ANKRD17: variants seen among roughly 807,000 people sequenced by gnomAD.
ANKRD17 encodes the protein ankyrin repeat domain 17, also known as ankyrin repeat domain-containing protein 17.
In ANKRD17, 19 loss-of-function variants were observed where a neutral mutation model predicts 229.7. The ratio of observed to expected loss-of-function variants is 0.08; its 90% CI spans 0.06 to 0.12. The LOEUF is 0.12. ANKRD17 is among the 10% of genes least tolerant of loss of function. The pLI is 1.00. For missense variants in ANKRD17, 2,176 were observed against 3,176.8 expected, an observed-to-expected ratio of 0.68 and a Z score of 7.57; for synonymous variants, 1,112 against 1,146.1, an observed-to-expected ratio of 0.97 and a Z score of 0.60.
At chr4:73,252,729 T>A (rs1190098277) in intron 1 of ANKRD17, among the ~76,000 whole-genome samples, 1 of 152,190 alleles carries the variant, frequency 6.6e-6, no homozygotes, top group Admixed American at 6.5e-5. Flanking sequence ...AAGTAAATAT[T>A]TTGAAAGGCA....
At chr4:73,220,235 T>C (rs1741667537) in intron 1 of ANKRD17, among the ~76,000 whole-genome samples, 1 of 152,180 alleles carries the variant, frequency 6.6e-6, no homozygotes, top group African/African-American at 2.4e-5. Context: ...GAGGTATTTA[T>C]ATGAGCTGTC....
intron 27 of ANKRD17, among the ~76,000 whole-genome samples, chr4:73,096,639 T>C (rs1723330874): frequency 6.6e-6 from 1 of 152,218 alleles, no homozygotes; most frequent in Non-Finnish European, 1.5e-5. Flanking sequence ...TTACCTCCTT[T>C]TACGTTTCTG....
intron 16 of ANKRD17, among the ~76,000 whole-genome samples, chr4:73,127,370 TATTAA>T (rs1284353634): frequency 2.6e-5 from 4 of 152,224 alleles, no homozygotes; most frequent in African/African-American, 9.6e-5. Context: ...TATTTGGATA[TATTAA>T]ATTAAATTAA....
intron 1 of ANKRD17, among the ~76,000 whole-genome samples, chr4:73,229,564 A>T (rs1560764012): frequency 6.6e-6 from 1 of 151,938 alleles, no homozygotes; most frequent in African/African-American, 2.4e-5. Context: ...ATCAAAAAAA[A>T]CACATAAATT....
chr4:73,136,192 T>A (rs1478251563), intron 15 of ANKRD17, among the ~76,000 whole-genome samples: 2 of 152,178 alleles, frequency 1.3e-5, no homozygotes, highest in East Asian at 3.9e-4. Context: ...GTGAACATCA[T>A]CTCCCCCAAC....
In ANKRD17 at chr4:73,092,000, A is replaced by T; in HGVS notation, c.5628T>A (p.Gly1876=). 1 of 1,614,212 alleles carries T rather than the reference A, an allele frequency of 6.2e-7. No individual in the cohort carries two copies. The highest frequency in any genetic ancestry group is 1.1e-5 in the South Asian group (1 of 91,086). The part of the protein sequence containing the change: ...IKNPVNNVRP[G]FPVSLPLAYP... ...ATGCTAATGGAAGAGAAACTGGAAA[A>T]CCAGGCCTCACATTATTCACTGGGT... The change falls in exon 29 of 34, where the codon GGT becomes GGA. Residue 1876 remains glycine (G), a synonymous_variant. Transcript: ENST00000358602.
At chr4:73,131,757 TG>T (rs1728231871) in intron 16 of ANKRD17, among the ~76,000 whole-genome samples, 1 of 152,162 alleles carries the variant, frequency 6.6e-6, no homozygotes, top group South Asian at 2.1e-4. Flanking sequence ...AAATGGAAAA[TG>T]TAATAATAAT....
At chr4:73,189,403 G>GTTTTTTTTTTTTTTTTTTTTTTTT (rs763345325) in intron 1 of ANKRD17, among the ~76,000 whole-genome samples, 1 of 112,700 alleles carries the variant, frequency 8.9e-6, no homozygotes, top group Non-Finnish European at 1.7e-5. Flanking sequence ...TGCCTGGAAT[G>GTTTTTTTTTTTTTTTTTTTTTTTT]TTTTTTTTTT....
chr4:73,133,127 G>A (rs997870771), intron 16 of ANKRD17, among the ~76,000 whole-genome samples: 2 of 151,920 alleles, frequency 1.3e-5, no homozygotes, highest in Non-Finnish European at 2.9e-5. Flanking sequence ...GTGGGCGCCT[G>A]TAATCCCAGC....
chr4:73,225,734 C>T (rs970462690), intron 1 of ANKRD17, among the ~76,000 whole-genome samples: 6 of 150,972 alleles, frequency 4.0e-5, no homozygotes, highest in Non-Finnish European at 7.4e-5. Flanking sequence ...TAGTGGTGGG[C>T]GCCTGTAATC....
chr4:73,243,074 A>G (rs550217442), intron 1 of ANKRD17, among the ~76,000 whole-genome samples: 1 of 152,330 alleles, frequency 6.6e-6, no homozygotes, highest in African/African-American at 2.4e-5. Context: ...GGGGAACACC[A>G]CACTAGGAAG....
At position 73,133,539 on chromosome 4, in the gene ANKRD17, C is replaced by T. The variant is rs535388037; in HGVS notation, c.3234+1578G>A. Reference sequence around the variant, plus strand: ...CCGAGTAGCTGGGATTACAGGCATGCGCCACAATGCCCAGCTAATTTTTTT... The same window carrying T: ...CCGAGTAGCTGGGATTACAGGCATGTGCCACAATGCCCAGCTAATTTTTTT... On this transcript the variant is annotated intron_variant, in intron 16 of 33. Coordinates refer to ENST00000358602, the MANE Select transcript of ANKRD17 (RefSeq NM_032217.5). 1.0e-3 allele frequency among the ~76,000 whole-genome samples: 159 copies of T among 151,664 alleles called. 2 individuals carry two copies. The highest frequency in any genetic ancestry group is 2.5e-3 in the African/African-American group (105 of 41,432).
intron 1 of ANKRD17, among the ~76,000 whole-genome samples, chr4:73,250,332 T>C (rs1744874714): frequency 6.6e-6 from 1 of 152,026 alleles, no homozygotes; most frequent in Non-Finnish European, 1.5e-5. Flanking sequence ...CTGCGCACAG[T>C]AGCTCACATC....
intron 1 of ANKRD17, among the ~76,000 whole-genome samples, chr4:73,248,661 A>T (rs546967615): frequency 6.6e-6 from 1 of 152,142 alleles, no homozygotes; most frequent in South Asian, 2.1e-4. Context: ...ACTGAATTCT[A>T]TCATTGTGCT....
intron 17 of ANKRD17, 61 bp from the exon 18 acceptor site, chr4:73,125,119 T>C: frequency 6.3e-7 from 1 of 1,599,390 alleles, no homozygotes; most frequent in Non-Finnish European, 8.5e-7. Flanking sequence ...ATATCTGACC[T>C]TCAAAATAGG....
Position 73,120,233 on chromosome 4 carries a change from G to A in ANKRD17, c.3954C>T (p.Ser1318=). The part of the protein sequence containing the change: ...GADVNAPPVP[S]SRDTALTIAA... ...CTATGGTTAAAGCTGTATCTCTTGA[G>A]GAGGGAACTGGAGGGGCATTAACAT... is the stretch of plus-strand genomic sequence containing the variant. Residue 1318 remains serine, a synonymous_variant, in exon 21 of 34, where the codon TCC becomes TCT. Transcript: ENST00000358602. 2 of 1,614,068 alleles carry A rather than the reference G, an allele frequency of 1.2e-6. No individual in the cohort carries two copies. The highest frequency in any genetic ancestry group is 2.2e-5 in the South Asian group (2 of 91,082).
chr4:73,126,389 T>C (rs868842857), intron 16 of ANKRD17, among the ~76,000 whole-genome samples: 13 of 151,900 alleles, frequency 8.6e-5, no homozygotes, highest in Admixed American at 3.3e-4. Flanking sequence ...ACACAGGATG[T>C]CAAGTAGAAT....
At chr4:73,168,086 G>A (rs1018488337) in intron 2 of ANKRD17, among the ~76,000 whole-genome samples, 1 of 151,982 alleles carries the variant, frequency 6.6e-6, no homozygotes, top group African/African-American at 2.4e-5. Context: ...CCGGGAGGCG[G>A]AGCTTGCAGT....
chr4:73,148,989 G>A lies in ANKRD17; in HGVS notation c.1391C>T (p.Ala464Val), dbSNP rs759458001. The change falls in exon 8 of 34, where the codon GCT (alanine) becomes GTT (valine). Residue 464 changes from alanine (A) to valine (V), a missense_variant. Physicochemically the swap from Ala to Val is moderately conservative, Grantham distance 64. Transcript: ENST00000358602. ...AGTTAATGGTGACTCAAATGAATCA[G>A]CAGGCATGTTCACTTGGGCACCGCT... ...LDSGAQVNMP[A>V]DSFESPLTLA... 1.2e-6 allele frequency: 2 copies of A among 1,612,768 alleles called. No homozygotes were observed. The highest frequency in any genetic ancestry group is 1.7e-6 in the Non-Finnish European group (2 of 1,179,378).
Sources: allele counts gnomAD v4.1 joint callset (sites outside exome capture counted in the v4.1 genomes callset), GRCh38; gene constraint gnomAD v4.1.1; transcripts MANE v1.5; gene names NCBI Gene and HGNC (gene_info 2026-07-23, HGNC 2026-07-21).